Variants in DIS3L2 observed in about 807,000 individuals in gnomAD.
DIS3L2 encodes DIS3 like 3'-5' exoribonuclease 2, also known as DIS3-like exonuclease 2.
A neutral mutation model predicts 97.5 loss-of-function variants in DIS3L2; 34 were observed. The ratio of observed to expected loss-of-function variants is 0.35; its 90% CI spans 0.27 to 0.46. The LOEUF (loss-of-function observed/expected upper bound fraction) is 0.46, where lower values mean the gene tolerates loss of function less well. DIS3L2 is among the 20% of genes least tolerant of loss of function. The pLI is 1.00. For synonymous variants in DIS3L2, 435 were observed against 445.2 expected, an observed-to-expected ratio of 0.98 and a Z score of 0.29; for missense variants, 1,038 against 1,146.0, an observed-to-expected ratio of 0.91 and a Z score of 1.36.
downstream of DIS3L2, among the ~76,000 whole-genome samples, chr2:232,339,399 G>T (rs115002984): frequency 6.6e-6 from 1 of 152,170 alleles, no homozygotes; most frequent in Admixed American, 6.5e-5. Context: ...CAGGCAGGAG[G>T]GGCTGTGATT....
At chr2:232,261,527 C>CG (rs1361113133) in intron 12 of DIS3L2, among the ~76,000 whole-genome samples, 1 of 152,124 alleles carries the variant, frequency 6.6e-6, no homozygotes, top group African/African-American at 2.4e-5. Context: ...TGAGTAGCAC[C>CG]GGGGACGTGT....
chr2:232,077,828 C>CT (rs1190136644), intron 5 of DIS3L2, among the ~76,000 whole-genome samples: 1 of 152,158 alleles, frequency 6.6e-6, no homozygotes, highest in Non-Finnish European at 1.5e-5. Flanking sequence ...CTCAGGGCCC[C>CT]TTTTTTCACG....
intron 12 of DIS3L2, among the ~76,000 whole-genome samples, chr2:232,255,541 G>GC (rs1446615382): frequency 2.6e-5 from 4 of 152,112 alleles, no homozygotes; most frequent in African/African-American, 9.7e-5. Context: ...CATTCATTAA[G>GC]CTAGTGCTCA....
exon 14 of DIS3L2, chr2:232,343,425 C>A: frequency 6.4e-7 from 1 of 1,556,066 alleles, no homozygotes. Flanking sequence ...CACAGCCCTC[C>A]ACAGAGGAAC....
intron 8 of DIS3L2, among the ~76,000 whole-genome samples, chr2:232,148,740 TTTTC>T (rs1232062525): frequency 3.1e-5 from 4 of 127,338 alleles, no homozygotes; most frequent in African/African-American, 1.1e-4. Context: ...TTCTCCTTAA[TTTTC>T]TTTCTTTTTT....
At chr2:232,210,759 A>G (rs1244878964) in intron 10 of DIS3L2, among the ~76,000 whole-genome samples, 1 of 151,758 alleles carries the variant, frequency 6.6e-6, no homozygotes, top group Non-Finnish European at 1.5e-5. Flanking sequence ...TCTGCTTGGG[A>G]GAGACATAGG....
rs555385990 is a variant in DIS3L2, at chr2:232,158,201, C to A, written c.951-5258C>A. The stretch of plus-strand genomic sequence containing the variant: ...TTGTCTTTTCAGAGACCATCCCTTA[C>A]AATGGATTTAATGCTATCGTGTCCA... On this transcript the variant is annotated intron_variant, in intron 8 of 20. Coordinates refer to ENST00000325385, the MANE Select transcript of DIS3L2 (RefSeq NM_152383.5). Among the ~76,000 whole-genome samples, 347 of 151,386 alleles carry A rather than the reference C, an allele frequency of 2.3e-3. 4 individuals carry two copies. The highest frequency in any genetic ancestry group is 8.2e-3 in the African/African-American group (340 of 41,486).
intron 13 of DIS3L2, 132 bp downstream of exon 13, chr2:232,263,572 T>C: frequency 2.4e-6 from 2 of 844,664 alleles, no homozygotes; most frequent in Non-Finnish European, 3.8e-6. Context: ...AAAATCATGT[T>C]CTCTGAGGCC....
At chr2:231,969,834 T>C (rs1451642252) in intron 1 of DIS3L2, among the ~76,000 whole-genome samples, 1 of 152,192 alleles carries the variant, frequency 6.6e-6, no homozygotes, top group Non-Finnish European at 1.5e-5. Flanking sequence ...TGTATATGCA[T>C]TTTATCACTG....
chr2:232,290,315 G>A (rs1323845142), intron 13 of DIS3L2, among the ~76,000 whole-genome samples: 1 of 152,188 alleles, frequency 6.6e-6, no homozygotes, highest in Non-Finnish European at 1.5e-5. Flanking sequence ...CCCACTAACT[G>A]GGCAGGTCCT....
chr2:232,101,015 C>A (rs560671899), intron 6 of DIS3L2, among the ~76,000 whole-genome samples: 1 of 151,934 alleles, frequency 6.6e-6, no homozygotes, highest in African/African-American at 2.4e-5. Context: ...GTGGGCGGAT[C>A]AGTTGAGGTC....
In DIS3L2 at chr2:232,136,547, G is replaced by A. The variant is rs775360586; in HGVS notation, c.778G>A (p.Glu260Lys). Residue 260 changes from glutamate to lysine, a missense_variant, in exon 8 of 21, where the codon GAA (glutamate) becomes AAA (lysine). Glu to Lys is a moderately conservative substitution (Grantham distance 56, BLOSUM62 1). Coordinates refer to ENST00000325385, the MANE Select transcript of DIS3L2 (RefSeq NM_152383.5). ...FLKLLADKNSELFRKYALFSP... is the reference protein window; with the variant it reads ...FLKLLADKNSKLFRKYALFSP... ...CAAACTCTTGGCTGATAAGAACAGCGAACTGTTTAGGAAATACGCCCTGTT... is the reference window on the plus strand; with the variant it reads ...CAAACTCTTGGCTGATAAGAACAGCAAACTGTTTAGGAAATACGCCCTGTT... The A allele has an allele frequency of 2.1e-5, 34 of 1,613,892 alleles. No homozygotes were observed. The South Asian group carries it at 3.2e-4, about 15-fold the overall frequency.
At chr2:232,115,672 T>C (rs762988760) in intron 6 of DIS3L2, among the ~76,000 whole-genome samples, 2 of 152,188 alleles carry the variant, frequency 1.3e-5, no homozygotes, top group African/African-American at 2.4e-5. Flanking sequence ...GAGTGAGTTC[T>C]CACAAGATCT....
intron 13 of DIS3L2, among the ~76,000 whole-genome samples, chr2:232,299,693 T>C (rs1345305282): frequency 1.3e-5 from 2 of 152,260 alleles, no homozygotes; most frequent in Non-Finnish European, 2.9e-5. Flanking sequence ...ATTGGTGTGA[T>C]CATTTGATTG....
intron 9 of DIS3L2, among the ~76,000 whole-genome samples, chr2:232,204,384 C>T (rs945397709): frequency 1.2e-4 from 19 of 152,184 alleles, no homozygotes; most frequent in African/African-American, 4.6e-4. Context: ...ACTTACTCTT[C>T]ATGTGTTCAT....
chr2:232,275,667 T>C (rs1694121743), intron 13 of DIS3L2, among the ~76,000 whole-genome samples: 1 of 152,268 alleles, frequency 6.6e-6, no homozygotes, highest in African/African-American at 2.4e-5. Flanking sequence ...ATTATTTTAA[T>C]TTTATAACTT....
intron 1 of DIS3L2, among the ~76,000 whole-genome samples, chr2:231,983,629 G>A: frequency 6.6e-6 from 1 of 152,168 alleles, no homozygotes; most frequent in Admixed American, 6.5e-5. Flanking sequence ...AGTGGCTCAT[G>A]CCTGTAATCC....
intron 9 of DIS3L2, among the ~76,000 whole-genome samples, chr2:232,167,906 G>A (rs1481467916): frequency 2.6e-5 from 4 of 151,992 alleles, no homozygotes; most frequent in Admixed American, 6.6e-5. Flanking sequence ...AAAATTAGCC[G>A]GGTGTGGTGG....
chr2:232,194,636 A>C (rs1170419045), intron 9 of DIS3L2, among the ~76,000 whole-genome samples: 1 of 152,240 alleles, frequency 6.6e-6, no homozygotes, highest in Non-Finnish European at 1.5e-5. Context: ...CCAAGTGGTA[A>C]AGGACTTGAA....
Sources: gnomAD v4.1 joint callset for allele counts (sites outside exome capture counted in the v4.1 genomes callset) on GRCh38, gnomAD v4.1.1 for gene constraint, MANE v1.5 for transcripts, NCBI Gene and HGNC (gene_info 2026-07-23, HGNC 2026-07-21) for gene names.